Variants in ZNF138 observed in about 807,000 individuals in gnomAD.
The protein encoded by ZNF138 is zinc finger protein 138 (clone pHZ-32).
In ZNF138, 33 loss-of-function variants were observed where a neutral mutation model predicts 33.0. The observed-to-expected ratio is 1.00, with a 90% CI of 0.76 to 1.34. ZNF138 has a LOEUF of 1.34. Ranked by LOEUF, ZNF138 falls within the 40% of genes most tolerant of loss-of-function variation. ZNF138 has a pLI of 0.00. For synonymous variants in ZNF138, 139 were observed against 120.4 expected (o/e 1.15, Z -1.01); for missense variants, 360 against 370.8 (o/e 0.97, Z 0.24).
At chr7:64,842,303 C>A in the ZNF138 span, among the ~76,000 whole-genome samples, 2 of 125,052 alleles carry the variant, frequency 1.6e-5, no homozygotes, top group Non-Finnish European at 3.8e-5. Flanking sequence ...ACCTCGTGAT[C>A]TGCCCTCCTC....
At chr7:64,836,578 A>G (rs1790371937), downstream of ZNF138, 1 of 152,202 alleles carries the variant, frequency 6.6e-6, no homozygotes, top group African/African-American at 2.4e-5. Context: ...AGAGATTTGG[A>G]GGTTAAATCC....
At chr7:64,814,875 C>T in intron 1 of ZNF138, 43 bp from the exon 2 acceptor site, 6 of 1,606,732 alleles carry the variant, frequency 3.7e-6, no homozygotes, top group African/African-American at 1.3e-5. Context: ...CCCATGGCTA[C>T]TTGGTTAATG....
At chr7:64,803,927 A>G (rs1562889126) in intron 1 of ZNF138, among the ~76,000 whole-genome samples, 2 of 152,212 alleles carry the variant, frequency 1.3e-5, no homozygotes, top group Admixed American at 1.3e-4. Flanking sequence ...CTAAATTGGA[A>G]TGCTGCTGTT....
intron 1 of ZNF138, among the ~76,000 whole-genome samples, chr7:64,801,763 C>T (rs1459232248): frequency 6.6e-6 from 1 of 151,978 alleles, no homozygotes; most frequent in Non-Finnish European, 1.5e-5. Context: ...TTGTAGTCTC[C>T]CACTATTGTA....
At chr7:64,816,011 C>T (rs908799508) in intron 3 of ZNF138, among the ~76,000 whole-genome samples, 7 of 152,114 alleles carry the variant, frequency 4.6e-5, no homozygotes, top group African/African-American at 1.7e-4. Flanking sequence ...TCTCTTTTTG[C>T]ATCGTATCTG....
chr7:64,808,792 C>T (rs1787827303), intron 1 of ZNF138, among the ~76,000 whole-genome samples: 1 of 127,794 alleles, frequency 7.8e-6, no homozygotes, highest in East Asian at 2.1e-4. Flanking sequence ...GTGGTGATGA[C>T]TCTTAGCTGC....
chr7:64,824,536 T>G (rs1166121110), intron 3 of ZNF138, among the ~76,000 whole-genome samples: 3 of 152,254 alleles, frequency 2.0e-5, no homozygotes, highest in Non-Finnish European at 4.4e-5. Flanking sequence ...TTTCTATTTA[T>G]TATTGAAAAT....
Position 64,832,907 on chromosome 7 carries a change from A to C in ZNF138, c.*705A>C, listed in dbSNP as rs1790209417. The C allele has an allele frequency of 2.6e-6, 1 of 387,112 alleles. No homozygotes were observed. The highest frequency in any genetic ancestry group is 5.2e-6 in the Non-Finnish European group (1 of 191,704). 24.0% of individuals were successfully genotyped at this position (387,112 alleles called of 1,614,324 possible). A position where few individuals can be genotyped will look rare whatever the true frequency, so the allele number is the denominator to read the frequency against. On this transcript the variant is annotated 3_prime_UTR_variant, in exon 4 of 4. Transcript: ENST00000307355. ...CTATACATAAGATGATTCACACTTG[A>C]ATGAAACCCTACAAATGTGAACGAT...
rs1456610491 is a variant in ZNF138, at chr7:64,832,252, G to A, written c.*50G>A. ...TACACTAGAGAGAAAGCCTACAAAT[G>A]TGAAGAATGTGGCAAAGCCTTTAAC... On this transcript the variant is annotated 3_prime_UTR_variant, in exon 4 of 4. Transcript: ENST00000307355. 1.9e-6 allele frequency: 3 copies of A among 1,602,132 alleles called. No individual in the cohort carries two copies. The South Asian group carries it at 3.4e-5, about 18-fold the overall frequency.
At chr7:64,842,461 A>G in the ZNF138 span, among the ~76,000 whole-genome samples, 1 of 152,220 alleles carries the variant, frequency 6.6e-6, no homozygotes, top group Non-Finnish European at 1.5e-5. Context: ...CCATATTGAT[A>G]TTACAACTCA....
chr7:64,830,951 A>G, intron 3 of ZNF138: 3 of 1,551,152 alleles, frequency 1.9e-6, no homozygotes, highest in Non-Finnish European at 2.6e-6. Context: ...TGTAGCATTT[A>G]CCTTTGATCT....
At chr7:64,852,798 G>A in the ZNF138 span, 1 of 844,046 alleles carries the variant, frequency 1.2e-6, no homozygotes. Context: ...GCATTGTCTG[G>A]CATGATAAAT....
intron 1 of ZNF138, among the ~76,000 whole-genome samples, chr7:64,799,881 T>C (rs116392464): frequency 0.014 from 2,190 of 151,988 alleles, 54 homozygotes; most frequent in African/African-American, 0.05. Context: ...CCTCAGGTGT[T>C]AGGCGATCCA....
At chr7:64,813,947 G>T in intron 1 of ZNF138, 1 of 857,500 alleles carries the variant, frequency 1.2e-6, no homozygotes, top group Non-Finnish European at 1.4e-6. Context: ...GTATCTTTAT[G>T]CTGCTGATGT....
rs1323417367 is a variant in ZNF138, at chr7:64,809,105, C to G, written c.4-5813C>G. Among the ~76,000 whole-genome samples, 3 of 115,228 alleles carry G rather than the reference C, an allele frequency of 2.6e-5. No homozygotes were observed. In the Admixed American group the frequency reaches 2.6e-4, roughly 10 times the overall value. 75.6% of individuals were successfully genotyped at this position (115,228 alleles called of 152,430 possible). On this transcript the variant is annotated intron_variant, in intron 1 of 3. Transcript: ENST00000307355. ...GTTCTCAATGAGCTGTTGGGCACACCTCCCAGACGGGGTGGTGGCCGGGCA... is the reference window on the plus strand; with the variant it reads ...GTTCTCAATGAGCTGTTGGGCACACGTCCCAGACGGGGTGGTGGCCGGGCA...
intron 1 of ZNF138, among the ~76,000 whole-genome samples, chr7:64,795,183 G>T (rs902574783): frequency 6.6e-6 from 1 of 152,100 alleles, no homozygotes; most frequent in Non-Finnish European, 1.5e-5. Context: ...AGGTTAATTG[G>T]CAGTTTACAG....
chr7:64,829,483 C>T (rs1789908339), intron 3 of ZNF138, among the ~76,000 whole-genome samples: 1 of 22,588 alleles, frequency 4.4e-5, no homozygotes, highest in African/African-American at 1.5e-4. Flanking sequence ...TTAAAAATCT[C>T]TTTGGCGTTT....
the ZNF138 span, among the ~76,000 whole-genome samples, chr7:64,847,051 G>A: frequency 0.012 from 1,763 of 152,136 alleles, 30 homozygotes; most frequent in African/African-American, 0.04. Context: ...TGTTTATGTG[G>A]TGTATCACAT....
At position 64,831,793 on chromosome 7, in the gene ZNF138, A is replaced by G. The variant is rs774954181; in HGVS notation, c.551A>G (p.Gln184Arg). 1.2e-6 allele frequency: 2 copies of G among 1,613,366 alleles called. No homozygotes were observed. Among genetic ancestry groups the G allele is most frequent in the Non-Finnish European group, 1.7e-6 (2 of 1,179,880 alleles). The change falls in exon 4 of 4, where the codon CAA becomes CGA. Residue 184 changes from glutamine to arginine, a missense_variant. By Grantham distance (43) the Gln-to-Arg change is conservative. Coordinates refer to ENST00000307355, the MANE Select transcript of ZNF138 (RefSeq NM_001271639.2). ...KSLCMLSRLT[Q>R]HKKIHTRENF... is the part of the protein sequence containing the mutation. The stretch of plus-strand genomic sequence containing the variant: ...CTTTGCATGCTTTCACGCCTAACTC[A>G]ACATAAAAAAATTCATACTAGAGAG...
Sources: gnomAD v4.1 joint callset for allele counts (sites outside exome capture counted in the v4.1 genomes callset) on GRCh38, gnomAD v4.1.1 for gene constraint, MANE v1.5 for transcripts, NCBI Gene and HGNC (gene_info 2026-07-23, HGNC 2026-07-21) for gene names.